Variants in ARHGAP42 observed in about 807,000 individuals in gnomAD.
ARHGAP42 encodes the protein Rho GTPase activating protein 42, also known as rho GTPase-activating protein 42.
ARHGAP42 carries 63 observed loss-of-function variants against 125.0 expected under a neutral mutation model. The ratio of observed to expected loss-of-function variants is 0.50; its 90% CI spans 0.41 to 0.62. The LOEUF is 0.62. ARHGAP42 is among the 20% of genes least tolerant of loss of function. The pLI, the probability that ARHGAP42 is intolerant of heterozygous loss-of-function variation, is 0.00. For missense variants in ARHGAP42, 766 were observed against 1,024.2 expected (o/e 0.75, Z 3.44); for synonymous variants, 339 against 351.0 (o/e 0.97, Z 0.38).
At chr11:100,767,871 C>T (rs550104491) in intron 1 of ARHGAP42, among the ~76,000 whole-genome samples, 10 of 152,264 alleles carry the variant, frequency 6.6e-5, no homozygotes, top group African/African-American at 2.2e-4. Flanking sequence ...GAATTAAAAA[C>T]GAAACTGTCT....
intron 6 of ARHGAP42, among the ~76,000 whole-genome samples, chr11:100,929,196 T>C (rs1867509052): frequency 6.6e-6 from 1 of 152,086 alleles, no homozygotes. Flanking sequence ...TAGATTCTCA[T>C]AAGGAGCAGG....
At chr11:100,732,244 G>A (rs6590817) in intron 1 of ARHGAP42, among the ~76,000 whole-genome samples, 81,824 of 151,946 alleles carry the variant, frequency 0.54, 22,561 homozygotes, top group African/African-American at 0.67. Context: ...GGTGTGAGCC[G>A]CCGTGCCTGG....
At chr11:100,899,723 T>G (rs1379632350) in intron 4 of ARHGAP42, among the ~76,000 whole-genome samples, 1 of 71,394 alleles carries the variant, frequency 1.4e-5, no homozygotes, top group Non-Finnish European at 2.7e-5. Flanking sequence ...TTGTGTTTTG[T>G]TTTTTTTTTT....
intron 3 of ARHGAP42, among the ~76,000 whole-genome samples, chr11:100,828,972 C>G (rs1864596646): frequency 6.6e-6 from 1 of 152,130 alleles, no homozygotes; most frequent in Admixed American, 6.5e-5. Context: ...GCAAGTAATA[C>G]AAAACACAAT....
In ARHGAP42 at chr11:100,860,507, T is replaced by G. The variant is rs1021554680; in HGVS notation, c.384+882T>G. Among the ~76,000 whole-genome samples, 5 of 152,120 alleles carry G rather than the reference T, an allele frequency of 3.3e-5. No individual in the cohort carries two copies. The East Asian group carries it at 9.6e-4, about 29-fold the overall frequency. On this transcript the variant is annotated intron_variant, in intron 4 of 23. Coordinates refer to ENST00000298815, the MANE Select transcript of ARHGAP42 (RefSeq NM_152432.4). ...AATGAAAGCTTTCCACAACTTGGAA[T>G]TTTGAACTTTGCTACCCACCAGCAG...
At chr11:100,912,815 G>C (rs1401635383) in intron 4 of ARHGAP42, among the ~76,000 whole-genome samples, 1 of 152,116 alleles carries the variant, frequency 6.6e-6, no homozygotes, top group African/African-American at 2.4e-5. Flanking sequence ...TAAGAGTTAT[G>C]TTCAGAGTTT....
intron 3 of ARHGAP42, among the ~76,000 whole-genome samples, chr11:100,841,931 A>AT (rs1256690092): frequency 2.0e-5 from 3 of 151,982 alleles, no homozygotes; most frequent in African/African-American, 7.2e-5. Context: ...TATCTTGTTT[A>AT]TTTTTGGCTT....
intron 3 of ARHGAP42, among the ~76,000 whole-genome samples, chr11:100,853,126 C>T (rs1865243918): frequency 6.6e-6 from 1 of 151,966 alleles, no homozygotes; most frequent in South Asian, 2.1e-4. Flanking sequence ...ACATTTTGGT[C>T]AAAATCAAAA....
intron 2 of ARHGAP42, among the ~76,000 whole-genome samples, chr11:100,781,840 A>T (rs1393148540): frequency 6.6e-6 from 1 of 152,168 alleles, no homozygotes; most frequent in East Asian, 1.9e-4. Flanking sequence ...AATTTATATG[A>T]TCCCACAGAT....
At chr11:100,699,999 C>T (rs57756191) in intron 1 of ARHGAP42, among the ~76,000 whole-genome samples, 2,351 of 152,230 alleles carry the variant, frequency 0.015, 78 homozygotes, top group African/African-American at 0.053. Context: ...CCTCTGCTGT[C>T]ACATGTCATT....
At chr11:100,837,347 A>ATATACATATTTTT (rs1864813271) in intron 3 of ARHGAP42, among the ~76,000 whole-genome samples, 1 of 152,064 alleles carries the variant, frequency 6.6e-6, no homozygotes, top group East Asian at 1.9e-4. Context: ...TGTCCTTTAT[A>ATATACATATTTTT]TATACATATT....
rs140470297 is a variant in ARHGAP42, at chr11:100,737,609, G to A, written c.155-32734G>A. On this transcript the variant is annotated intron_variant, in intron 1 of 23. Transcript: ENST00000298815. ...GTATTCCAGATGGCCTGCTCCATGA[G>A]ATAGAGGTGTCTTGGTTCATCTTGG... 1.3e-3 allele frequency among the ~76,000 whole-genome samples: 201 copies of A among 152,308 alleles called. 2 individuals carry two copies. The highest frequency in any genetic ancestry group is 4.7e-3 in the African/African-American group (196 of 41,568).
chr11:100,758,896 AT>A (rs1240300694), intron 1 of ARHGAP42, among the ~76,000 whole-genome samples: 5 of 152,152 alleles, frequency 3.3e-5, no homozygotes, highest in Non-Finnish European at 7.4e-5. Context: ...CACTCTTAAT[AT>A]TTTTTTAATT....
At chr11:100,911,092 C>G (rs1044408390) in intron 4 of ARHGAP42, among the ~76,000 whole-genome samples, 1 of 152,192 alleles carries the variant, frequency 6.6e-6, no homozygotes, top group Non-Finnish European at 1.5e-5. Context: ...TTTTAAGCAT[C>G]TATTTTAAGA....
intron 9 of ARHGAP42, among the ~76,000 whole-genome samples, chr11:100,942,574 A>G (rs2135273558): frequency 6.6e-6 from 1 of 152,270 alleles, no homozygotes; most frequent in East Asian, 1.9e-4. Flanking sequence ...TGAAGCTGGG[A>G]GTTACACTAG....
intron 1 of ARHGAP42, among the ~76,000 whole-genome samples, chr11:100,765,243 A>G (rs968175542): frequency 6.6e-6 from 1 of 152,196 alleles, no homozygotes; most frequent in Non-Finnish European, 1.5e-5. Flanking sequence ...GCATTGTTAC[A>G]TCTTTCAAGT....
intron 3 of ARHGAP42, among the ~76,000 whole-genome samples, chr11:100,857,838 C>T (rs575799978): frequency 3.3e-5 from 5 of 152,072 alleles, no homozygotes; most frequent in African/African-American, 7.2e-5. Context: ...AACCCGTCCT[C>T]GTTCCTTATC....
chr11:100,926,644 A>C (rs1217059198), intron 6 of ARHGAP42, among the ~76,000 whole-genome samples: 2 of 152,178 alleles, frequency 1.3e-5, no homozygotes, highest in African/African-American at 4.8e-5. Context: ...TCAGGTTTTT[A>C]TCTGTATGTT....
chr11:100,740,788 A>C (rs1035107677), intron 1 of ARHGAP42, among the ~76,000 whole-genome samples: 38 of 152,306 alleles, frequency 2.5e-4, no homozygotes, highest in African/African-American at 9.1e-4. Context: ...CCACTGTTAA[A>C]GTTTGGCACA....
Sources: gnomAD v4.1 joint callset for allele counts (sites outside exome capture counted in the v4.1 genomes callset) on GRCh38, gnomAD v4.1.1 for gene constraint, MANE v1.5 for transcripts, NCBI Gene and HGNC (gene_info 2026-07-23, HGNC 2026-07-21) for gene names.